The following SS18 variants were observed in gnomAD, a reference collection of about 807,000 sequenced individuals.
The protein encoded by SS18 is SS18 subunit of BAF chromatin remodeling complex.
SS18 carries 28 observed loss-of-function variants against 72.5 expected under a neutral mutation model. The ratio of observed to expected loss-of-function variants is 0.39; its 90% CI spans 0.29 to 0.53. The LOEUF is 0.53. SS18 is among the 20% of genes least tolerant of loss of function. The pLI, the probability that SS18 is intolerant of heterozygous loss-of-function variation, is 0.76. For missense variants in SS18, 518 were observed against 535.3 expected, an observed-to-expected ratio of 0.97 and a Z score of 0.32; for synonymous variants, 172 against 164.2, an observed-to-expected ratio of 1.05 and a Z score of -0.37.
intron 7 of SS18, among the ~76,000 whole-genome samples, chr18:26,038,272 C>A (rs1004632934): frequency 1.3e-5 from 2 of 151,696 alleles, no homozygotes; most frequent in Non-Finnish European, 2.9e-5. Flanking sequence ...TAAGCTTTGG[C>A]TGAAATCAAA....
intron 3 of SS18, chr18:26,068,373 A>C (rs1490384545): frequency 6.6e-6 from 1 of 152,224 alleles, no homozygotes; most frequent in Non-Finnish European, 1.5e-5. Context: ...TTGCATAAAA[A>C]GCAGGTAGAA....
At chr18:26,063,614 T>C (rs1476874729) in intron 3 of SS18, among the ~76,000 whole-genome samples, 3 of 152,192 alleles carry the variant, frequency 2.0e-5, no homozygotes, top group Non-Finnish European at 4.4e-5. Context: ...TAATTGGTAA[T>C]GAAAATGTAA....
intron 4 of SS18, among the ~76,000 whole-genome samples, chr18:26,053,538 AG>A (rs1239503123): frequency 6.6e-6 from 1 of 151,828 alleles, no homozygotes; most frequent in Non-Finnish European, 1.5e-5. Flanking sequence ...AATAATAAAA[AG>A]GTAAATAAGA....
intron 2 of SS18, among the ~76,000 whole-genome samples, chr18:26,085,666 C>T (rs1040253343): frequency 6.6e-6 from 1 of 152,176 alleles, no homozygotes; most frequent in African/African-American, 2.4e-5. Context: ...GAAGCAGTTA[C>T]CCCTATGGAG....
At position 26,090,493 on chromosome 18, in the gene SS18, G is replaced by A. The variant is rs1476925566; in HGVS notation, c.69+8C>T. ...GGGCCTGGCATCCGCAACCCCGCGC[G>A]GTTTCACCTTCTGAATCGCAGCGGG... On this transcript the variant is annotated splice_region_variant and intron_variant, in intron 1 of 10. Transcript: ENST00000415083. 3.2e-6 allele frequency: 5 copies of A among 1,565,584 alleles called. No individual in the cohort carries two copies. The highest frequency in any genetic ancestry group is 4.3e-6 in the Non-Finnish European group (5 of 1,155,150).
chr18:26,045,412 A>G (rs2053803413), intron 5 of SS18, among the ~76,000 whole-genome samples: 1 of 152,112 alleles, frequency 6.6e-6, no homozygotes, highest in Non-Finnish European at 1.5e-5. Flanking sequence ...CTATACTTCA[A>G]ACACACCAAG....
intron 3 of SS18, among the ~76,000 whole-genome samples, 196 bp from the exon 4 acceptor site, chr18:26,057,938 C>G (rs1237619899): frequency 6.6e-6 from 1 of 152,122 alleles, no homozygotes; most frequent in Non-Finnish European, 1.5e-5. Flanking sequence ...TTTATAAAAT[C>G]TCAGTAGTGA....
At chr18:26,046,191 C>CAA (rs760639087) in intron 5 of SS18, among the ~76,000 whole-genome samples, 31 of 44,918 alleles carry the variant, frequency 6.9e-4, no homozygotes, top group Non-Finnish European at 9.4e-4. Context: ...GACTCCGTCT[C>CAA]AAAAAAAAAA....
chr18:26,028,691 A>C lies in SS18; in HGVS notation c.1230+3708T>G, dbSNP rs78400726. ...ATACTATATTATTCAATTTCTATAC[A>C]ATTTTGGAAAATGTAAACTAATCCA... On this transcript the variant is annotated intron_variant, in intron 10 of 10. Transcript: ENST00000415083. Among the ~76,000 whole-genome samples, 1,036 of 152,334 alleles carry C rather than the reference A, an allele frequency of 6.8e-3. 9 individuals carry two copies. Among genetic ancestry groups the C allele is most frequent in the African/African-American group, 0.024 (978 of 41,564 alleles).
chr18:26,079,078 C>T (rs977025811), intron 2 of SS18: 4 of 152,156 alleles, frequency 2.6e-5, no homozygotes, highest in Admixed American at 2.6e-4. Flanking sequence ...TACTACCCAT[C>T]TATCAGGACA....
chr18:26,080,552 G>A (rs2144153691), intron 2 of SS18: 1 of 180,134 alleles, frequency 5.6e-6, no homozygotes, highest in Admixed American at 6.5e-5. Flanking sequence ...GCAGGACACT[G>A]AAGTTGCCTG....
chr18:26,049,847 A>C (rs1156232459), intron 5 of SS18, among the ~76,000 whole-genome samples: 1 of 152,244 alleles, frequency 6.6e-6, no homozygotes, highest in African/African-American at 2.4e-5. Context: ...AAATGACAAA[A>C]AAATAAACTT....
intron 10 of SS18, among the ~76,000 whole-genome samples, chr18:26,020,153 C>T (rs1376075361): frequency 6.6e-6 from 1 of 152,240 alleles, no homozygotes; most frequent in Non-Finnish European, 1.5e-5. Flanking sequence ...AATACTAAAT[C>T]TGAGTTTAAG....
At chr18:26,082,677 G>C in intron 2 of SS18, 1 of 200,898 alleles carries the variant, frequency 5.0e-6, no homozygotes. Context: ...CGCTCCACAA[G>C]TGATTCAGAC....
At chr18:26,020,648 G>C (rs2053333302) in intron 10 of SS18, among the ~76,000 whole-genome samples, 1 of 152,128 alleles carries the variant, frequency 6.6e-6, no homozygotes, top group Non-Finnish European at 1.5e-5. Flanking sequence ...AAACAGAGAA[G>C]ACTCAGAAAT....
intron 1 of SS18, among the ~76,000 whole-genome samples, chr18:26,088,747 G>C (rs1474165057): frequency 6.6e-6 from 1 of 152,122 alleles, no homozygotes; most frequent in Admixed American, 6.5e-5. Flanking sequence ...TGCTCCTCCA[G>C]AACCTGCCCC....
chr18:26,026,653 G>A (rs1340526157), intron 10 of SS18, among the ~76,000 whole-genome samples: 1 of 152,016 alleles, frequency 6.6e-6, no homozygotes, highest in East Asian at 1.9e-4. Context: ...GGAGGGTGGG[G>A]AAGGAACATG....
At chr18:26,052,544 C>A in intron 5 of SS18, 80 bp downstream of exon 5, 2 of 1,174,638 alleles carry the variant, frequency 1.7e-6, no homozygotes, top group Admixed American at 1.8e-5. Flanking sequence ...TATGAACCAG[C>A]TAAGAACCTG....
rs2143744051 is a variant in SS18 at position 26,017,706 on chromosome 18, C to T, written c.*648G>A. On this transcript the variant is annotated 3_prime_UTR_variant, in exon 11 of 11. Coordinates refer to ENST00000415083, the MANE Select transcript of SS18 (RefSeq NM_001007559.3). The stretch of plus-strand genomic sequence containing the variant: ...TTACTCAAAACTGTATCACAGTGCC[C>T]TTGATTATCTAATAGATAAAAGGGA... The T allele has an allele frequency of 4.7e-6, 1 of 214,954 alleles. No homozygotes were observed. Among genetic ancestry groups the T allele is most frequent in the Admixed American group, 5.8e-5 (1 of 17,116 alleles). The allele number at this position is 214,954 out of a possible 1,614,324, so 13.3% of individuals were successfully genotyped here.
Sources: gnomAD v4.1 joint callset for allele counts (sites outside exome capture counted in the v4.1 genomes callset) on GRCh38, gnomAD v4.1.1 for gene constraint, MANE v1.5 for transcripts, NCBI Gene and HGNC (gene_info 2026-07-23, HGNC 2026-07-21) for gene names.